The following MATK variants were observed in gnomAD, a reference collection of about 807,000 sequenced individuals.
The protein encoded by MATK is megakaryocyte-associated tyrosine-protein kinase.
In MATK, 41 loss-of-function variants were observed where a neutral mutation model predicts 59.8. The observed-to-expected ratio is 0.69, with a 90% confidence interval of 0.53 to 0.89. The LOEUF (loss-of-function observed/expected upper bound fraction) is 0.89. Among genes scored for constraint, MATK ranks in the 40% least tolerant of loss-of-function variants. The pLI is 0.00. For missense variants in MATK, 593 were observed against 719.6 expected (o/e 0.82, Z 2.01); for synonymous variants, 308 against 306.1 (o/e 1.01, Z -0.06).
chr19:3,783,776 CA>C (rs766625575), intron 6 of MATK, 37 bp downstream of exon 6: 1 of 1,589,544 alleles, frequency 6.3e-7, no homozygotes, highest in Non-Finnish European at 8.6e-7. Flanking sequence ...TGGGCTGCCC[CA>C]CTGCAGGGAC....
chr19:3,789,428 C>A, upstream of MATK: 1 of 626,190 alleles, frequency 1.6e-6, no homozygotes. Flanking sequence ...ATATTAGTGT[C>A]AGTCCTCCCG....
At position 3,784,894 on chromosome 19, in the gene MATK, G is replaced by T; in HGVS notation, c.73-10C>A. ...GGAAGCGGGGGCTCACCTGGGGAGG[G>T]GACAGAGTCCAGGTGGGAGCTGGGC... On this transcript the variant is annotated splice_polypyrimidine_tract_variant and intron_variant, in intron 2 of 13. Transcript: ENST00000310132. The T allele has an allele frequency of 6.6e-7, 1 of 1,518,404 alleles. No individual in the cohort carries two copies. Among genetic ancestry groups the T allele is most frequent in the Non-Finnish European group, 9.0e-7 (1 of 1,116,398 alleles). 94.1% of individuals were successfully genotyped at this position (1,518,404 alleles called of 1,614,324 possible).
Position 3,778,058 on chromosome 19 carries a change from G to GC in MATK, c.*124dup, listed in dbSNP as rs2037339748. ...CGCCCAGAGCCCCCTACGTGGGCCA[G>GC]CCCCTGCTGTGGGCACCAGGAGGAT... On this transcript the variant is annotated 3_prime_UTR_variant, in exon 14 of 14. Coordinates refer to ENST00000310132, the MANE Select transcript of MATK (RefSeq NM_139355.3). The GC allele has an allele frequency of 3.6e-6, 5 of 1,386,758 alleles. No individual in the cohort carries two copies. Among genetic ancestry groups the GC allele is most frequent in the Non-Finnish European group, 4.8e-6 (5 of 1,051,306 alleles). The allele number at this position is 1,386,758 out of a possible 1,614,324, so 85.9% of individuals were successfully genotyped here.
chr19:3,786,826 A>G (rs11665681), upstream of MATK, among the ~76,000 whole-genome samples: 1 of 152,158 alleles, frequency 6.6e-6, no homozygotes, highest in African/African-American at 2.4e-5. The surrounding 1 kb of genome is among the most constrained non-coding windows in gnomAD (Gnocchi z 4.1). Context: ...AAATTGGAGT[A>G]ACAGAATCAT....
Position 3,779,801 on chromosome 19 carries a change from G to T in MATK, c.743-4C>A, listed in dbSNP as rs752445064. ...AGGTACTCACCCTGCAGGACAGCTG[G>T]GGGGTGGGGGTGGGGAACGGGGTGA... is the stretch of plus-strand genomic sequence containing the variant. On this transcript the variant is annotated splice_polypyrimidine_tract_variant and splice_region_variant and intron_variant, in intron 8 of 13. Transcript: ENST00000310132. The T allele has an allele frequency of 6.4e-7, 1 of 1,566,636 alleles. No individual in the cohort carries two copies. The highest frequency in any genetic ancestry group is 8.8e-7 in the Non-Finnish European group (1 of 1,138,158).
upstream of MATK, chr19:3,789,301 C>T (rs150292501): frequency 1.2e-5 from 9 of 779,224 alleles, no homozygotes; most frequent in African/African-American, 5.1e-5. Flanking sequence ...ACGGGTCCCT[C>T]GCCGAGGTCT....
intron 3 of MATK, 23 bp from the exon 4 acceptor site, chr19:3,784,474 G>A (rs550087399): frequency 2.0e-6 from 3 of 1,528,228 alleles, no homozygotes; most frequent in South Asian, 2.3e-5. Context: ...CCGGGAGAGG[G>A]GCAAAGGGAG....
At chr19:3,789,787 TG>T (rs72126307), upstream of MATK, among the ~76,000 whole-genome samples, 71,153 of 145,712 alleles carry the variant, frequency 0.49, 18,583 homozygotes, top group South Asian at 0.68. Context: ...TGCAGTGGCC[TG>T]ATCTCGGCTC....
Position 3,778,549 on chromosome 19 carries a change from C to T in MATK, c.1244G>A (p.Trp415Ter), listed in dbSNP as rs777499602. 1.9e-6 allele frequency: 3 copies of T among 1,613,772 alleles called. No homozygotes were observed. Among genetic ancestry groups the T allele is most frequent in the Admixed American group, 3.3e-5 (2 of 59,972 alleles). ...SDVWSFGVLL[W>*]EVFSYGRAPY... ...AGCCCGTCCATATGAGAAGACCTCC[C>T]AGAGCAGCACCCCAAAACTCCAGAC... Residue 415 changes from tryptophan (W) to a stop codon, truncating the protein, a stop_gained, in exon 13 of 14, where the codon TGG (tryptophan) becomes TAG (stop). Coordinates refer to ENST00000310132, the MANE Select transcript of MATK (RefSeq NM_139355.3). LOFTEE classifies it low-confidence loss of function (END_TRUNC).
intron 8 of MATK, among the ~76,000 whole-genome samples, chr19:3,780,435 A>T (rs565154955): frequency 4.5e-4 from 69 of 151,722 alleles, no homozygotes; most frequent in East Asian, 1.2e-3. Flanking sequence ...TAATTAATTA[A>T]TTATTTATTT....
chr19:3,798,470 G>C (rs1157285312), intron 1 of MATK, among the ~76,000 whole-genome samples: 2 of 152,148 alleles, frequency 1.3e-5, no homozygotes, highest in Non-Finnish European at 2.9e-5. Flanking sequence ...AGCCACAAGA[G>C]GTTAGACATC....
chr19:3,799,655 C>A (rs146365594), intron 1 of MATK, among the ~76,000 whole-genome samples: 2 of 151,380 alleles, frequency 1.3e-5, no homozygotes, highest in African/African-American at 4.9e-5. Context: ...GTCTGGGCAA[C>A]GCAGTGAAAC....
intron 1 of MATK, among the ~76,000 whole-genome samples, chr19:3,801,083 C>T (rs926086191): frequency 6.6e-6 from 1 of 152,080 alleles, no homozygotes; most frequent in African/African-American, 2.4e-5. Flanking sequence ...GTAATCCGCC[C>T]GCCTCGGCCT....
chr19:3,783,649 GGGGTCCCGGGT>G lies in MATK; in HGVS notation c.582+154_582+164del, dbSNP rs1330277050. Among the ~76,000 whole-genome samples, 7 of 152,226 alleles carry G rather than the reference GGGGTCCCGGGT, an allele frequency of 4.6e-5. No homozygotes were observed. In the East Asian group the frequency reaches 7.7e-4, roughly 17 times the overall value. ...CACATTGGGGAAGCACAGAGCTCAGGGGGTCCCGGGTGATCAGCACAGGAGGTAGGGATGGT... is the reference window on the plus strand; with the variant it reads ...CACATTGGGGAAGCACAGAGCTCAGGGATCAGCACAGGAGGTAGGGATGGT... On this transcript the variant is annotated intron_variant, in intron 6 of 13. Coordinates refer to ENST00000310132, the MANE Select transcript of MATK (RefSeq NM_139355.3).
Position 3,785,146 on chromosome 19 carries a change from G to C in MATK, c.-11C>G, listed in dbSNP as rs1410609620. 9.9e-6 allele frequency: 16 copies of C among 1,614,010 alleles called. No individual in the cohort carries two copies. Among genetic ancestry groups the C allele is most frequent in the Non-Finnish European group, 1.4e-5 (16 of 1,179,978 alleles). On this transcript the variant is annotated 5_prime_UTR_variant, in exon 2 of 14. Coordinates refer to ENST00000310132, the MANE Select transcript of MATK (RefSeq NM_139355.3). ...GCCTCGCCCCGCCATCGCCCCCAGA[G>C]GGAAACTGAGGCAGGTGAGAGGCAC...
chr19:3,790,901 G>GT (rs2037534910), upstream of MATK, among the ~76,000 whole-genome samples: 2 of 152,202 alleles, frequency 1.3e-5, no homozygotes. Context: ...TCTCTCCTTG[G>GT]TCTTGGTGAC....
intron 8 of MATK, among the ~76,000 whole-genome samples, chr19:3,781,007 GC>G (rs1295920273): frequency 1.3e-5 from 2 of 152,172 alleles, no homozygotes; most frequent in Non-Finnish European, 2.9e-5. Flanking sequence ...GGGATTCCAG[GC>G]ATGAGCCACC....
At chr19:3,783,289 G>A (rs765506827) in intron 6 of MATK, 70 bp from the exon 7 acceptor site, 4 of 1,023,372 alleles carry the variant, frequency 3.9e-6, no homozygotes, top group East Asian at 2.4e-5. Context: ...TTCCGTTCCC[G>A]GGTGGCCTCT....
chr19:3,779,599 G>A lies in MATK; in HGVS notation c.861C>T (p.Asn287=), dbSNP rs762816997. 3 of 1,612,040 alleles carry A rather than the reference G, an allele frequency of 1.9e-6. No individual in the cohort carries two copies. The highest frequency in any genetic ancestry group is 2.2e-5 in the East Asian group (1 of 44,846). ...GGATCACGCCCAGGAGACGCACCAG[G>A]TTCTCGTGTTGCATCTTCCTGGGGG... ...TAVMTKMQHE[N]LVRLLGVILH... Residue 287 remains asparagine (N), a synonymous_variant, in exon 10 of 14, where the codon AAC becomes AAT. Transcript: ENST00000310132.
Sources: allele counts gnomAD v4.1 joint callset (sites outside exome capture counted in the v4.1 genomes callset), GRCh38; gene constraint gnomAD v4.1.1; non-coding constraint Gnocchi (gnomAD v3.1); transcripts MANE v1.5; gene names NCBI Gene and HGNC (gene_info 2026-07-23, HGNC 2026-07-21).